ZMYND19: variants seen among roughly 807,000 people sequenced by gnomAD.
ZMYND19 encodes zinc finger MYND-type containing 19.
In ZMYND19, 17 loss-of-function variants were observed where a neutral mutation model predicts 32.0. The ratio of observed to expected loss-of-function variants is 0.53; its 90% confidence interval spans 0.36 to 0.80. ZMYND19 has a LOEUF of 0.80. Ranked by LOEUF, ZMYND19 falls within the 30% of genes least tolerant of loss-of-function variation. ZMYND19 has a pLI of 0.00. For synonymous variants in ZMYND19, 124 were observed against 113.6 expected, an observed-to-expected ratio of 1.09 and a Z score of -0.58; for missense variants, 250 against 293.6, an observed-to-expected ratio of 0.85 and a Z score of 1.09.
intron 5 of ZMYND19, 114 bp downstream of exon 5, chr9:137,582,869 G>A (rs1842162932): frequency 1.3e-6 from 2 of 1,519,418 alleles, no homozygotes; most frequent in Non-Finnish European, 8.9e-7. Flanking sequence ...AAGCCCAAGA[G>A]GTGCTAAGCG....
At chr9:137,583,198 G>A (rs1274712103) in intron 4 of ZMYND19, 35 bp from the exon 5 acceptor site, 2 of 1,603,680 alleles carry the variant, frequency 1.2e-6, no homozygotes, top group South Asian at 2.2e-5. Flanking sequence ...AGTGCACTCT[G>A]GCCAAACGGG....
chr9:137,584,648 G>A (rs950311960), intron 4 of ZMYND19, among the ~76,000 whole-genome samples: 9 of 152,332 alleles, frequency 5.9e-5, no homozygotes, highest in South Asian at 4.1e-4. Flanking sequence ...GTGGGACAAC[G>A]CAGGAGGAGA....
chr9:137,586,414 G>A (rs1202705160), intron 4 of ZMYND19, among the ~76,000 whole-genome samples: 2 of 149,790 alleles, frequency 1.3e-5, no homozygotes, highest in Non-Finnish European at 3.0e-5. Flanking sequence ...AGAGAAGGAA[G>A]GAATCCTGAC....
intron 1 of ZMYND19, chr9:137,589,881 C>T (rs981063988): frequency 1.0e-6 from 1 of 985,412 alleles, no homozygotes; most frequent in Non-Finnish European, 1.2e-6. Flanking sequence ...GCCGACACCA[C>T]TGGGAGGGCT....
At chr9:137,585,139 G>A (rs1299954074) in intron 4 of ZMYND19, among the ~76,000 whole-genome samples, 2 of 151,838 alleles carry the variant, frequency 1.3e-5, no homozygotes, top group South Asian at 2.1e-4. Flanking sequence ...AGGCTGAAGC[G>A]GGGCCAGGCG....
intron 1 of ZMYND19, chr9:137,589,508 G>C: frequency 3.0e-6 from 3 of 985,492 alleles, no homozygotes; most frequent in Non-Finnish European, 3.6e-6. Context: ...GGCTGGTGCA[G>C]CTGCACAGGT....
chr9:137,585,506 G>A lies in ZMYND19; in HGVS notation c.359+1461C>T, dbSNP rs568221367. Among the ~76,000 whole-genome samples the A allele has an allele frequency of 8.8e-4, 133 of 151,474 alleles. 2 individuals are homozygous for A. The highest frequency in any genetic ancestry group is 6.9e-3 in the Middle Eastern group (2 of 288). On this transcript the variant is annotated intron_variant, in intron 4 of 5. Transcript: ENST00000298585. ...CTGGGCAACATAGTGAGACCCATCCGTAAAATTAATTAATTTAATGAAATA... is the reference window on the plus strand; with the variant it reads ...CTGGGCAACATAGTGAGACCCATCCATAAAATTAATTAATTTAATGAAATA...
chr9:137,586,763 A>C (rs895637469), intron 4 of ZMYND19, among the ~76,000 whole-genome samples: 1 of 152,242 alleles, frequency 6.6e-6, no homozygotes, highest in Admixed American at 6.5e-5. Flanking sequence ...GCAATGCAAA[A>C]ACACACACCA....
At position 137,590,191 on chromosome 9, in the gene ZMYND19, T is replaced by C; in HGVS notation, c.51+22A>G. ...GCCTGGACGGGCGAGACGGGCCGGG[T>C]CGCGGGCTCCGCGCCGCTCACCTTC... On this transcript the variant is annotated intron_variant, in intron 1 of 5. Coordinates refer to ENST00000298585, the MANE Select transcript of ZMYND19 (RefSeq NM_138462.3). This position sits in a 1 kb window ranked among gnomAD's most constrained non-coding sequence, Gnocchi z 4.2. 9.4e-7 allele frequency: 1 copy of C among 1,066,842 alleles called. No homozygotes were observed. The highest frequency in any genetic ancestry group is 1.1e-6 in the Non-Finnish European group (1 of 880,006). 66.1% of individuals were successfully genotyped at this position (1,066,842 alleles called of 1,614,324 possible).
At chr9:137,587,295 T>C in intron 3 of ZMYND19, 188 bp from the exon 4 acceptor site, 1 of 960,944 alleles carries the variant, frequency 1.0e-6, no homozygotes, top group Non-Finnish European at 1.5e-6. Flanking sequence ...GCACCTGATC[T>C]GTGGCCCAAA....
chr9:137,589,506 C>CA (rs762794722), intron 1 of ZMYND19: 282 of 985,364 alleles, frequency 2.9e-4, no homozygotes, highest in Middle Eastern at 5.2e-4. Context: ...CTGGCTGGTG[C>CA]AGCTGCACAG....
chr9:137,582,993 A>G lies in ZMYND19; in HGVS notation c.530T>C (p.Ile177Thr), dbSNP rs1317142926. The G allele has an allele frequency of 6.2e-7, 1 of 1,614,072 alleles. No individual in the cohort carries two copies. Among genetic ancestry groups the G allele is most frequent in the Non-Finnish European group, 8.5e-7 (1 of 1,179,980 alleles). Reference protein sequence around the residue: ...YECHYPPCTVIEKQLREFNIC... With the variant: ...YECHYPPCTVTEKQLREFNIC... ...CTGCAGCACACCCACCTGCTTCTCA[A>G]TCACTGTGCAGGGAGGGTAGTGGCA... is the stretch of plus-strand genomic sequence containing the variant. The change falls in exon 5 of 6, where the codon ATT becomes ACT. Residue 177 changes from isoleucine (I) to threonine (T), a missense_variant. Physicochemically the swap from Ile to Thr is moderately conservative, Grantham distance 89 (BLOSUM62 -1). Transcript: ENST00000298585.
intron 4 of ZMYND19, among the ~76,000 whole-genome samples, chr9:137,584,498 TGA>T (rs1452854531): frequency 6.6e-6 from 1 of 152,192 alleles, no homozygotes; most frequent in Non-Finnish European, 1.5e-5. Context: ...GGCCGGACCC[TGA>T]GTCTTGTTGA....
At chr9:137,586,485 G>A (rs1213510896) in intron 4 of ZMYND19, among the ~76,000 whole-genome samples, 1 of 150,286 alleles carries the variant, frequency 6.7e-6, no homozygotes, top group Non-Finnish European at 1.5e-5. Flanking sequence ...CGAGGTGAGA[G>A]AAGGAAGGAA....
At chr9:137,587,632 G>A (rs1398570968) in intron 3 of ZMYND19, 85 bp downstream of exon 3, 2 of 1,204,870 alleles carry the variant, frequency 1.7e-6, no homozygotes, top group African/African-American at 1.5e-5. Flanking sequence ...GCTTCAGCGG[G>A]GCAGGGGGCT....
In ZMYND19 at chr9:137,589,025, C is replaced by A. The variant is rs1326139372; in HGVS notation, c.52-307G>T. ...CCCAACAGTGGCACTGAACATTCAA[C>A]GCACCAATAAACCTAGGCAAAGACT... is the stretch of plus-strand genomic sequence containing the variant. On this transcript the variant is annotated intron_variant, in intron 1 of 5. Coordinates refer to ENST00000298585, the MANE Select transcript of ZMYND19 (RefSeq NM_138462.3). 24 of 353,076 alleles carry A rather than the reference C, an allele frequency of 6.8e-5. No individual in the cohort carries two copies. The Admixed American group carries it at 1.0e-3, about 15-fold the overall frequency. The allele number at this position is 353,076 out of a possible 1,614,324, so 21.9% of individuals were successfully genotyped here.
At chr9:137,588,816 C>T (rs2133303626) in intron 1 of ZMYND19, 98 bp from the exon 2 acceptor site, 1 of 1,430,406 alleles carries the variant, frequency 7.0e-7, no homozygotes, top group Middle Eastern at 1.8e-4. Flanking sequence ...TTGCATTTTC[C>T]TGTGAAGTGG....
intron 3 of ZMYND19, chr9:137,587,353 G>T: frequency 1.5e-6 from 1 of 645,804 alleles, no homozygotes; most frequent in Non-Finnish European, 2.6e-6. Context: ...TCAGAGCACA[G>T]ACAGCCAAAG....
chr9:137,589,344 C>T, intron 1 of ZMYND19: 1 of 985,432 alleles, frequency 1.0e-6, no homozygotes. Context: ...AGGAACAGGT[C>T]CCAGAACGGG....
Sources: gnomAD v4.1 joint callset for allele counts (sites outside exome capture counted in the v4.1 genomes callset) on GRCh38, gnomAD v4.1.1 for gene constraint, Gnocchi (gnomAD v3.1) non-coding constraint, MANE v1.5 for transcripts, NCBI Gene and HGNC (gene_info 2026-07-23, HGNC 2026-07-21) for gene names.